Variants in ANKRD27 observed in about 807,000 individuals in gnomAD.
ANKRD27 encodes ankyrin repeat domain-containing protein 27.
Under a neutral mutation model 129.7 loss-of-function variants are expected in ANKRD27, and 112 were observed. The ratio of observed to expected loss-of-function variants is 0.86; its 90% CI spans 0.74 to 1.01. The LOEUF (loss-of-function observed/expected upper bound fraction) is 1.01. Ranked by LOEUF, ANKRD27 falls within the 50% of genes least tolerant of loss-of-function variation. The probability of loss-of-function intolerance (pLI) is 0.00; values close to 1 mark genes in which losing one functional copy is unlikely to be tolerated. For missense variants in ANKRD27, 1,258 were observed against 1,300.5 expected, an observed-to-expected ratio of 0.97 and a Z score of 0.50; for synonymous variants, 516 against 511.2, an observed-to-expected ratio of 1.01 and a Z score of -0.13.
chr19:32,644,294 A>G, intron 5 of ANKRD27, 31 bp downstream of exon 5: 1 of 1,600,774 alleles, frequency 6.2e-7, no homozygotes. Context: ...GAGACAGGGC[A>G]CGCCAGGCAG....
intron 24 of ANKRD27, among the ~76,000 whole-genome samples, chr19:32,605,016 G>T (rs1282150727): frequency 6.6e-6 from 1 of 152,200 alleles, no homozygotes; most frequent in Non-Finnish European, 1.5e-5. Flanking sequence ...AGGTTGCAGT[G>T]AGCTGAGAGT....
At chr19:32,674,586 G>A (rs1248821453) in intron 1 of ANKRD27, among the ~76,000 whole-genome samples, 2 of 151,938 alleles carry the variant, frequency 1.3e-5, no homozygotes, top group Non-Finnish European at 2.9e-5. Flanking sequence ...CCCGCCCTGC[G>A]AGAGGCCGGC....
chr19:32,639,561 T>C (rs1967156679), intron 11 of ANKRD27, 73 bp from the exon 12 acceptor site: 3 of 1,507,272 alleles, frequency 2.0e-6, no homozygotes, highest in Non-Finnish European at 2.7e-6. Context: ...TATCATTGGC[T>C]TGGGCAACTG....
chr19:32,672,775 A>T (rs1189954657), intron 1 of ANKRD27: 1 of 152,292 alleles, frequency 6.6e-6, no homozygotes, highest in African/African-American at 2.4e-5. Flanking sequence ...AGGGAGAAGA[A>T]CCACCATGCA....
At chr19:32,667,467 T>C (rs1350372473) in intron 1 of ANKRD27, among the ~76,000 whole-genome samples, 6 of 152,244 alleles carry the variant, frequency 3.9e-5, no homozygotes, top group Non-Finnish European at 7.3e-5. Context: ...GCCACCATCC[T>C]TGGCCTAAAA....
intron 7 of ANKRD27, 39 bp from the exon 8 acceptor site, chr19:32,643,391 C>T (rs765750446): frequency 1.2e-6 from 2 of 1,613,852 alleles, no homozygotes; most frequent in Non-Finnish European, 1.7e-6. Flanking sequence ...TGTGAGCGGG[C>T]AACAGGGTGT....
Position 32,599,752 on chromosome 19 carries a change from C to T in ANKRD27, c.2871G>A (p.Met957Ile), listed in dbSNP as rs766456311. ...AATTAGGGACACTTCTATCTCTTGC[C>T]ATAATCTCCCTTGAAGTCTTTCCCC... ...QFKGKTSREIMARDRSVPNLT... is the reference protein window; with the variant it reads ...QFKGKTSREIIARDRSVPNLT... The change falls in exon 28 of 29, where the codon ATG becomes ATA. Residue 957 changes from methionine (M) to isoleucine (I), a missense_variant. By Grantham distance (10) the Met-to-Ile change is conservative. Transcript: ENST00000306065. 6.2e-7 allele frequency: 1 copy of T among 1,613,936 alleles called. No homozygotes were observed. The highest frequency in any genetic ancestry group is 1.1e-5 in the South Asian group (1 of 90,974).
At chr19:32,666,636 T>C (rs1456788799) in intron 1 of ANKRD27, among the ~76,000 whole-genome samples, 1 of 113,664 alleles carries the variant, frequency 8.8e-6, no homozygotes, top group Admixed American at 1.0e-4. Context: ...GGAAATCAGA[T>C]TTCTATTTTT....
chr19:32,597,080 CATA>C lies in ANKRD27; in HGVS notation c.*1062_*1064del, dbSNP rs1357449519. The C allele has an allele frequency of 1.3e-5, 2 of 152,514 alleles. No individual in the cohort carries two copies. The highest frequency in any genetic ancestry group is 1.3e-4 in the Admixed American group (2 of 15,248). The allele number at this position is 152,514 out of a possible 1,614,324, so 9.4% of individuals were successfully genotyped here. A position where few individuals can be genotyped will look rare whatever the true frequency, so the allele number is the denominator to read the frequency against. On this transcript the variant is annotated 3_prime_UTR_variant, in exon 29 of 29. Coordinates refer to ENST00000306065, the MANE Select transcript of ANKRD27 (RefSeq NM_032139.3). ...CAAGGCACATTAGAAAATTAGAAAT[CATA>C]AATTACTTTGTAGAAAAATAATCCC...
At chr19:32,621,461 T>C (rs1160686836) in intron 18 of ANKRD27, among the ~76,000 whole-genome samples, 1 of 152,088 alleles carries the variant, frequency 6.6e-6, no homozygotes, top group Non-Finnish European at 1.5e-5. Context: ...ACCCCATCCC[T>C]ACTAAAAATA....
intron 17 of ANKRD27, among the ~76,000 whole-genome samples, chr19:32,623,493 A>C (rs1972044263): frequency 6.6e-6 from 1 of 151,760 alleles, no homozygotes; most frequent in African/African-American, 2.4e-5. Context: ...GTGTTGTTCC[A>C]ACTCACTGCT....
intron 24 of ANKRD27, among the ~76,000 whole-genome samples, 166 bp downstream of exon 24, chr19:32,605,669 G>A (rs971437221): frequency 4.6e-5 from 7 of 152,278 alleles, no homozygotes; most frequent in African/African-American, 9.6e-5. Flanking sequence ...TGTTCCCATC[G>A]GAGAACCCCG....
chr19:32,625,765 C>A, intron 17 of ANKRD27, 109 bp downstream of exon 17: 1 of 961,478 alleles, frequency 1.0e-6, no homozygotes, highest in South Asian at 2.0e-5. Flanking sequence ...ATTTACACAC[C>A]CAATGTTCCA....
At chr19:32,658,097 A>G (rs1967576645) in intron 2 of ANKRD27, among the ~76,000 whole-genome samples, 1 of 152,202 alleles carries the variant, frequency 6.6e-6, no homozygotes, top group South Asian at 2.1e-4. Context: ...ACCCTCAGGC[A>G]CCTCACATAT....
intron 21 of ANKRD27, among the ~76,000 whole-genome samples, chr19:32,616,806 C>G (rs962163761): frequency 2.6e-5 from 4 of 152,200 alleles, no homozygotes; most frequent in East Asian, 1.9e-4. Context: ...CTCAGGCCCC[C>G]TCTCGTGGCC....
At chr19:32,633,910 G>C (rs1308463090) in intron 12 of ANKRD27, among the ~76,000 whole-genome samples, 1 of 151,932 alleles carries the variant, frequency 6.6e-6, no homozygotes, top group Non-Finnish European at 1.5e-5. Flanking sequence ...CACACCTGTA[G>C]TCCCAGCCAC....
intron 17 of ANKRD27, among the ~76,000 whole-genome samples, chr19:32,624,842 G>A (rs922454919): frequency 1.3e-5 from 2 of 152,010 alleles, no homozygotes; most frequent in African/African-American, 4.8e-5. Flanking sequence ...GCTGAGGTGG[G>A]AGGATGGCTT....
intron 10 of ANKRD27, among the ~76,000 whole-genome samples, chr19:32,641,227 A>AC (rs1024297805): frequency 2.0e-5 from 3 of 151,850 alleles, no homozygotes; most frequent in African/African-American, 7.3e-5. Context: ...AAAAAAAAAA[A>AC]ATATGTTAAC....
chr19:32,643,878 G>T (rs1173117137), intron 5 of ANKRD27: 31 of 451,460 alleles, frequency 6.9e-5, no homozygotes, highest in Middle Eastern at 1.3e-3. Flanking sequence ...CACTTGGTTT[G>T]TTTTTTCTTT....
Sources: gnomAD v4.1 joint callset for allele counts (sites outside exome capture counted in the v4.1 genomes callset) on GRCh38, gnomAD v4.1.1 for gene constraint, MANE v1.5 for transcripts, NCBI Gene and HGNC (gene_info 2026-07-23, HGNC 2026-07-21) for gene names.